Variants in LRRTM4 observed in about 807,000 individuals in gnomAD.
LRRTM4 encodes leucine-rich repeat transmembrane neuronal protein 4.
LRRTM4 carries 25 observed loss-of-function variants against 47.6 expected under a neutral mutation model. The ratio of observed to expected loss-of-function variants is 0.53; its 90% CI spans 0.38 to 0.73. The LOEUF is 0.73. Ranked by LOEUF, LRRTM4 falls within the 30% of genes least tolerant of loss-of-function variation. The pLI, the probability that LRRTM4 is intolerant of heterozygous loss-of-function variation, is 0.00. For synonymous variants in LRRTM4, 311 were observed against 269.5 expected (o/e 1.15, Z -1.51); for missense variants, 638 against 713.4 (o/e 0.89, Z 1.20).
chr2:76,856,223 G>A (rs1672145786), intron 3 of LRRTM4, among the ~76,000 whole-genome samples: 1 of 152,122 alleles, frequency 6.6e-6, no homozygotes, highest in Non-Finnish European at 1.5e-5. Context: ...GTTGCAGTGA[G>A]CCAAGATTGC....
At chr2:77,212,512 T>C (rs12615140) in intron 3 of LRRTM4, among the ~76,000 whole-genome samples, 3 of 149,766 alleles carry the variant, frequency 2.0e-5, no homozygotes, top group African/African-American at 7.3e-5. Flanking sequence ...GTTAATCTCG[T>C]GTATATATAT....
intron 3 of LRRTM4, among the ~76,000 whole-genome samples, chr2:76,806,577 G>A (rs1223957589): frequency 4.0e-5 from 6 of 148,798 alleles, no homozygotes; most frequent in African/African-American, 7.5e-5. Flanking sequence ...GGAAAACCCC[G>A]TCTCAAAACA....
At chr2:77,260,376 T>TGC (rs72073546) in intron 3 of LRRTM4, among the ~76,000 whole-genome samples, 1 of 84,552 alleles carries the variant, frequency 1.2e-5, no homozygotes, top group Non-Finnish European at 2.5e-5. Context: ...CAAAAAATCG[T>TGC]GTGTGTGTGT....
intron 3 of LRRTM4, among the ~76,000 whole-genome samples, chr2:76,909,075 A>G (rs966118845): frequency 4.8e-4 from 72 of 151,340 alleles, no homozygotes; most frequent in Non-Finnish European, 8.6e-4. Flanking sequence ...GAGGCATCAC[A>G]CTACCTGACT....
intron 3 of LRRTM4, among the ~76,000 whole-genome samples, chr2:77,039,547 TG>T (rs1412786627): frequency 6.6e-6 from 1 of 151,290 alleles, no homozygotes; most frequent in East Asian, 1.9e-4. Flanking sequence ...AAGTGATGTT[TG>T]GATTTATGTA....
intron 3 of LRRTM4, among the ~76,000 whole-genome samples, chr2:77,444,932 T>TACACACACACACACACAC (rs745467847): frequency 8.2e-6 from 1 of 122,010 alleles, no homozygotes; most frequent in African/African-American, 3.1e-5. Context: ...TCCTTTATTT[T>TACACACACACACACACAC]ACACACACAC....
intron 3 of LRRTM4, among the ~76,000 whole-genome samples, chr2:77,177,222 C>G (rs796961775): frequency 9.2e-5 from 14 of 152,262 alleles, no homozygotes; most frequent in African/African-American, 3.4e-4. Context: ...GAATTCCTTC[C>G]TATGCGAAGC....
chr2:77,089,385 GC>G (rs572707391), intron 3 of LRRTM4, among the ~76,000 whole-genome samples: 49 of 150,722 alleles, frequency 3.3e-4, no homozygotes, highest in African/African-American at 1.0e-3. Context: ...TTATTTCCAC[GC>G]CCCAACCTCT....
In LRRTM4 at chr2:77,518,936, A is replaced by G. The variant is rs772898245; in HGVS notation, c.933T>C (p.Asn311=). Residue 311 remains asparagine (N), a synonymous_variant, in exon 3 of 4, where the codon AAT becomes AAC. Coordinates refer to ENST00000409884, the MANE Select transcript of LRRTM4 (RefSeq NM_001134745.3). ...AAATGCTCCGACTGCATTCCCACAT[A>G]TTTCCAGACAATGTGATGGATATTA... ...ISLISITLSG[N]MWECSRSICP... is the part of the protein sequence containing the mutation. The G allele has an allele frequency of 1.9e-6, 3 of 1,610,648 alleles. No individual in the cohort carries two copies. The highest frequency in any genetic ancestry group is 2.5e-6 in the Non-Finnish European group (3 of 1,178,316).
intron 3 of LRRTM4, among the ~76,000 whole-genome samples, chr2:76,840,976 G>T (rs7575043): frequency 6.6e-6 from 1 of 150,436 alleles, no homozygotes; most frequent in Non-Finnish European, 1.5e-5. Context: ...ACATGCACAC[G>T]TATGTTTATT....
intron 3 of LRRTM4, among the ~76,000 whole-genome samples, chr2:76,904,767 A>G (rs1673764921): frequency 6.6e-6 from 1 of 152,180 alleles, no homozygotes; most frequent in Non-Finnish European, 1.5e-5. Flanking sequence ...AATGTAACAT[A>G]TGTAAAAAAT....
intron 3 of LRRTM4, among the ~76,000 whole-genome samples, chr2:76,839,319 G>A (rs1671606853): frequency 6.6e-6 from 1 of 152,034 alleles, no homozygotes; most frequent in African/African-American, 2.4e-5. Context: ...GTTCTACTCA[G>A]GTGTCAGAGG....
intron 3 of LRRTM4, among the ~76,000 whole-genome samples, chr2:77,175,400 G>A (rs765799410): frequency 6.6e-6 from 1 of 152,076 alleles, no homozygotes; most frequent in Non-Finnish European, 1.5e-5. Context: ...CATAATCTAA[G>A]CCCAGGGCAT....
chr2:77,236,009 T>C (rs1675093855), intron 3 of LRRTM4, among the ~76,000 whole-genome samples: 1 of 152,166 alleles, frequency 6.6e-6, no homozygotes, highest in Non-Finnish European at 1.5e-5. Flanking sequence ...GAATTCCTTT[T>C]TCGTTCCATA....
At chr2:76,831,308 C>T (rs1671345646) in intron 3 of LRRTM4, among the ~76,000 whole-genome samples, 1 of 152,122 alleles carries the variant, frequency 6.6e-6, no homozygotes, top group Non-Finnish European at 1.5e-5. Context: ...TTTGATATTT[C>T]TGCTCTGTAG....
rs1321025911 is a variant in LRRTM4 at position 76,800,455 on chromosome 2, AGATGGATTAAAGACT to A, written c.1552-51554_1552-51540del. ...TACACCTTATACAAAAATCAATTCA[AGATGGATTAAAGACT>A]TAAACGTTAGACCTAAAACCATAAA... On this transcript the variant is annotated intron_variant, in intron 3 of 3. Transcript: ENST00000409884. Among the ~76,000 whole-genome samples, 8 of 138,080 alleles carry A rather than the reference AGATGGATTAAAGACT, an allele frequency of 5.8e-5. No homozygotes were observed. In the East Asian group the frequency reaches 1.7e-3, roughly 29 times the overall value. The allele number at this position is 138,080 out of a possible 152,430, so 90.6% of individuals were successfully genotyped here.
intron 3 of LRRTM4, among the ~76,000 whole-genome samples, chr2:77,253,683 G>A (rs953278234): frequency 2.6e-5 from 4 of 151,974 alleles, no homozygotes; most frequent in Admixed American, 6.6e-5. Flanking sequence ...TTTCCTCTAT[G>A]AGCAATTATG....
chr2:76,797,489 C>G (rs182191451), intron 3 of LRRTM4, among the ~76,000 whole-genome samples: 12 of 151,934 alleles, frequency 7.9e-5, no homozygotes, highest in African/African-American at 2.9e-4. Context: ...AAGGAACAAC[C>G]GGTATCAGCT....
At chr2:77,033,780 C>G (rs1202025788) in intron 3 of LRRTM4, among the ~76,000 whole-genome samples, 1 of 151,672 alleles carries the variant, frequency 6.6e-6, no homozygotes, top group Non-Finnish European at 1.5e-5. Context: ...GCTTGTTTGT[C>G]TCTTAAAATT....
Sources: gnomAD v4.1 joint callset for allele counts (sites outside exome capture counted in the v4.1 genomes callset) on GRCh38, gnomAD v4.1.1 for gene constraint, MANE v1.5 for transcripts, NCBI Gene and HGNC (gene_info 2026-07-23, HGNC 2026-07-21) for gene names.